FBXL17: variants seen among roughly 807,000 people sequenced by gnomAD.
FBXL17 encodes F-box/LRR-repeat protein 17.
In FBXL17, 22 loss-of-function variants were observed where a neutral mutation model predicts 66.2. That is an observed-to-expected ratio of 0.33 (90% CI 0.24 to 0.47). FBXL17 has a LOEUF of 0.47. Ranked by LOEUF, FBXL17 falls within the 20% of genes least tolerant of loss-of-function variation. The pLI, the probability that FBXL17 is intolerant of heterozygous loss-of-function variation, is 1.00. For missense variants in FBXL17, 878 were observed against 948.2 expected, an observed-to-expected ratio of 0.93 and a Z score of 0.97; for synonymous variants, 474 against 400.5, an observed-to-expected ratio of 1.18 and a Z score of -2.19.
chr5:108,180,949 A>G (rs41130), intron 6 of FBXL17, among the ~76,000 whole-genome samples: 115,641 of 152,088 alleles, frequency 0.76, 44,480 homozygotes, highest in East Asian at 0.93. Flanking sequence ...CAGGACCAAT[A>G]TTAAAAATTG....
intron 6 of FBXL17, among the ~76,000 whole-genome samples, chr5:108,133,746 A>G (rs1482784478): frequency 2.6e-5 from 4 of 152,210 alleles, no homozygotes; most frequent in Non-Finnish European, 5.9e-5. Flanking sequence ...CTTTGGAGTC[A>G]AATATCTCAG....
chr5:108,326,864 T>C (rs989881468), intron 4 of FBXL17, among the ~76,000 whole-genome samples: 2 of 152,110 alleles, frequency 1.3e-5, no homozygotes, highest in Non-Finnish European at 2.9e-5. Flanking sequence ...TCTCAAACAT[T>C]GCTAGCAGGA....
At chr5:108,330,674 T>C (rs750050570) in intron 4 of FBXL17, among the ~76,000 whole-genome samples, 12 of 152,104 alleles carry the variant, frequency 7.9e-5, no homozygotes, top group Non-Finnish European at 1.3e-4. Flanking sequence ...ACTATCACCT[T>C]ATATTGTTTT....
intron 5 of FBXL17, among the ~76,000 whole-genome samples, chr5:108,190,504 T>G (rs572010399): frequency 6.6e-6 from 1 of 152,344 alleles, no homozygotes; most frequent in South Asian, 2.1e-4. Context: ...ATGAAAATAC[T>G]TGCACAGCTT....
At chr5:108,182,692 G>A (rs953885507) in intron 6 of FBXL17, among the ~76,000 whole-genome samples, 2 of 152,106 alleles carry the variant, frequency 1.3e-5, no homozygotes, top group Admixed American at 1.3e-4. Context: ...CATTAGTTAA[G>A]TAGGAAAAAA....
intron 4 of FBXL17, among the ~76,000 whole-genome samples, chr5:108,286,122 G>A (rs1580746515): frequency 6.6e-6 from 1 of 151,834 alleles, no homozygotes; most frequent in Non-Finnish European, 1.5e-5. Context: ...CAACAAACTA[G>A]ACATTGAAGA....
chr5:108,314,114 T>A lies in FBXL17; in HGVS notation c.1506+34285A>T, dbSNP rs2150204319. ...TATTACTTCAAAATTAAACAAAATT[T>A]AAACTCAAATCTGCAAGAAAGATCA... On this transcript the variant is annotated intron_variant, in intron 4 of 8. Coordinates refer to ENST00000542267, the MANE Select transcript of FBXL17 (RefSeq NM_001163315.3). 1.3e-5 allele frequency among the ~76,000 whole-genome samples: 2 copies of A among 151,856 alleles called. 1 individual carries two copies. Among genetic ancestry groups the A allele is most frequent in the South Asian group, 4.1e-4 (2 of 4,826 alleles).
intron 6 of FBXL17, among the ~76,000 whole-genome samples, chr5:108,023,976 A>G (rs1754699479): frequency 6.6e-6 from 1 of 152,202 alleles, no homozygotes; most frequent in Non-Finnish European, 1.5e-5. Context: ...TTCATTAATC[A>G]TAGTCATGAA....
chr5:108,217,869 TA>T (rs1400419794), intron 5 of FBXL17, among the ~76,000 whole-genome samples: 1 of 152,144 alleles, frequency 6.6e-6, no homozygotes, highest in Admixed American at 6.5e-5. Flanking sequence ...GATCATGCAG[TA>T]TTTGTCTTTC....
intron 6 of FBXL17, among the ~76,000 whole-genome samples, chr5:108,129,510 C>A (rs1443718720): frequency 6.6e-6 from 1 of 151,940 alleles, no homozygotes; most frequent in African/African-American, 2.4e-5. Context: ...CAAATAGGCT[C>A]CCATTTAGCT....
Position 108,009,306 on chromosome 5 carries a change from T to TATATATAC in FBXL17, c.1822+11618_1822+11619insGTATATAT, listed in dbSNP as rs1561365393. Among the ~76,000 whole-genome samples, 17 of 17,440 alleles carry TATATATAC rather than the reference T, an allele frequency of 9.7e-4. 1 individual carries two copies. Among genetic ancestry groups the TATATATAC allele is most frequent in the African/African-American group, 2.8e-3 (11 of 3,996 alleles). The allele number at this position is 17,440 out of a possible 152,430, so 11.4% of individuals were successfully genotyped here. ...ATATATATATATATATATATACATA[T>TATATATAC]ATACATACACATATAGTTTTGCTTT... is the stretch of plus-strand genomic sequence containing the variant. On this transcript the variant is annotated intron_variant, in intron 7 of 8. Transcript: ENST00000542267.
intron 4 of FBXL17, among the ~76,000 whole-genome samples, chr5:108,243,297 T>C (rs928804696): frequency 6.6e-6 from 1 of 152,232 alleles, no homozygotes; most frequent in African/African-American, 2.4e-5. Flanking sequence ...AATATTGCTT[T>C]TATTTATTGC....
At chr5:108,281,184 C>T (rs559206834) in intron 4 of FBXL17, among the ~76,000 whole-genome samples, 169 of 152,002 alleles carry the variant, frequency 1.1e-3, no homozygotes, top group African/African-American at 3.8e-3. Context: ...ACAGAATTTA[C>T]ATAACATTCT....
intron 4 of FBXL17, among the ~76,000 whole-genome samples, chr5:108,236,432 G>T (rs1047158910): frequency 1.6e-4 from 24 of 151,636 alleles, no homozygotes; most frequent in African/African-American, 5.1e-4. Context: ...AGAATCACTT[G>T]AGCCTGGGAA....
intron 7 of FBXL17, among the ~76,000 whole-genome samples, chr5:107,962,039 C>G (rs937226125): frequency 5.9e-5 from 9 of 152,064 alleles, no homozygotes; most frequent in African/African-American, 2.2e-4. Context: ...CACTATAGAT[C>G]TGTTAAATAT....
At chr5:108,236,946 G>A (rs1008882040) in intron 4 of FBXL17, among the ~76,000 whole-genome samples, 10 of 152,170 alleles carry the variant, frequency 6.6e-5, no homozygotes, top group Non-Finnish European at 1.2e-4. Context: ...GTCTAAAACA[G>A]TCATATAGAT....
intron 7 of FBXL17, among the ~76,000 whole-genome samples, chr5:107,928,415 A>G (rs895515858): frequency 9.0e-5 from 13 of 145,060 alleles, no homozygotes; most frequent in Non-Finnish European, 1.7e-4. Flanking sequence ...AAAGCTACAT[A>G]CTTTGTTTTT....
chr5:108,154,590 CA>C (rs1162622917), intron 6 of FBXL17, among the ~76,000 whole-genome samples: 407 of 39,890 alleles, frequency 0.01, 6 homozygotes, highest in African/African-American at 0.035. Flanking sequence ...AACTCAGTTT[CA>C]AAAAAAAAAA....
intron 3 of FBXL17, among the ~76,000 whole-genome samples, chr5:108,358,152 C>T (rs1016945478): frequency 2.0e-5 from 3 of 152,048 alleles, no homozygotes; most frequent in Non-Finnish European, 4.4e-5. Context: ...TCTTCCTTTC[C>T]AATTTGGAAG....
Sources: allele counts gnomAD v4.1 joint callset (sites outside exome capture counted in the v4.1 genomes callset), GRCh38; gene constraint gnomAD v4.1.1; transcripts MANE v1.5; gene names NCBI Gene and HGNC (gene_info 2026-07-23, HGNC 2026-07-21).